The following CTTNBP2NL variants were observed in gnomAD, a reference collection of about 807,000 sequenced individuals.
The protein encoded by CTTNBP2NL is CTTNBP2 N-terminal like.
CTTNBP2NL carries 16 observed loss-of-function variants against 32.5 expected under a neutral mutation model. The ratio of observed to expected loss-of-function variants is 0.49; its 90% CI spans 0.33 to 0.75. The LOEUF is 0.75. CTTNBP2NL is among the 30% of genes least tolerant of loss of function. The pLI is 0.02. For synonymous variants in CTTNBP2NL, 298 were observed against 289.4 expected (o/e 1.03, Z -0.30); for missense variants, 645 against 756.0 (o/e 0.85, Z 1.72).
intron 3 of CTTNBP2NL, among the ~76,000 whole-genome samples, chr1:112,434,917 T>C (rs958584375): frequency 6.6e-6 from 1 of 151,348 alleles, no homozygotes; most frequent in Non-Finnish European, 1.5e-5. Flanking sequence ...CCGAGGCGGG[T>C]GGATCATCTG....
chr1:112,392,273 A>G (rs1025384318), upstream of CTTNBP2NL, among the ~76,000 whole-genome samples: 1 of 152,110 alleles, frequency 6.6e-6, no homozygotes, highest in Non-Finnish European at 1.5e-5. Flanking sequence ...GCAAAAGGGG[A>G]CTGTTAATAT....
chr1:112,428,388 G>C (rs1649465425), intron 3 of CTTNBP2NL, among the ~76,000 whole-genome samples: 2 of 152,060 alleles, frequency 1.3e-5, no homozygotes, highest in Admixed American at 6.5e-5. Context: ...AAATAAATTA[G>C]AGCTAATCAG....
chr1:112,460,455 G>C lies in CTTNBP2NL; in HGVS notation c.*3043G>C, dbSNP rs1308930314. The C allele has an allele frequency of 6.6e-6, 1 of 151,608 alleles. No homozygotes were observed. The highest frequency in any genetic ancestry group is 6.5e-5 in the Admixed American group (1 of 15,268). The allele number at this position is 151,608 out of a possible 1,614,324, so 9.4% of individuals were successfully genotyped here. On this transcript the variant is annotated 3_prime_UTR_variant, in exon 6 of 6. Coordinates refer to ENST00000271277, the MANE Select transcript of CTTNBP2NL (RefSeq NM_018704.3). ...AAGCCTTTACAATAATCCAGTCTGT[G>C]ATTTTTTAAACCTTTTGGTGGTTCT...
chr1:112,402,394 G>A (rs1648534239), intron 1 of CTTNBP2NL, among the ~76,000 whole-genome samples: 1 of 151,938 alleles, frequency 6.6e-6, no homozygotes. Context: ...CTCCAGGCTG[G>A]GCAACAACAG....
chr1:112,454,194 T>C lies in CTTNBP2NL; in HGVS notation c.331-255T>C, dbSNP rs1377364568. ...TCAACCCCTCTAGCTAATTAGTTGC[T>C]CTCTTCTCTCTGTTTGCATATCATT... is the stretch of plus-strand genomic sequence containing the variant. On this transcript the variant is annotated intron_variant, in intron 4 of 5. Coordinates refer to ENST00000271277, the MANE Select transcript of CTTNBP2NL (RefSeq NM_018704.3). 3.3e-5 allele frequency among the ~76,000 whole-genome samples: 5 copies of C among 152,208 alleles called. No individual in the cohort carries two copies. The East Asian group carries it at 7.7e-4, about 23-fold the overall frequency.
intron 4 of CTTNBP2NL, among the ~76,000 whole-genome samples, chr1:112,450,767 CTTTTT>C (rs34309573): frequency 7.5e-6 from 1 of 133,912 alleles, no homozygotes; most frequent in Non-Finnish European, 1.6e-5. Context: ...CCTATCTATT[CTTTTT>C]TTTTTTTTTT....
At position 112,459,900 on chromosome 1, in the gene CTTNBP2NL, G is replaced by A. The variant is rs1326479778; in HGVS notation, c.*2488G>A. 1 of 152,138 alleles carries A rather than the reference G, an allele frequency of 6.6e-6. No homozygotes were observed. Among genetic ancestry groups the A allele is most frequent in the East Asian group, 1.9e-4 (1 of 5,196 alleles). 9.4% of individuals were successfully genotyped at this position (152,138 alleles called of 1,614,324 possible). On this transcript the variant is annotated 3_prime_UTR_variant, in exon 6 of 6. Transcript: ENST00000271277. ...TCTTTTACAGTGTAATATGGGGGTG[G>A]GGATATGCGAAAGAAATGTGTATTT...
In CTTNBP2NL at chr1:112,457,267, C is replaced by T. The variant is rs778235258; in HGVS notation, c.1775C>T (p.Ser592Phe). The part of the protein sequence containing the change: ...IPPKKPGLTP[S>F]PSATTPLTKT... Reference sequence around the variant, plus strand: ...CCCAAGAAACCTGGCCTCACCCCTTCTCCATCTGCTACCACTCCATTGACC... The same window carrying T: ...CCCAAGAAACCTGGCCTCACCCCTTTTCCATCTGCTACCACTCCATTGACC... The change falls in exon 6 of 6, where the codon TCT becomes TTT. Residue 592 changes from serine (S) to phenylalanine (F), a missense_variant. Ser to Phe is a radical substitution (Grantham distance 155, BLOSUM62 -2). Coordinates refer to ENST00000271277, the MANE Select transcript of CTTNBP2NL (RefSeq NM_018704.3). 1.9e-5 allele frequency: 31 copies of T among 1,614,096 alleles called. No individual in the cohort carries two copies. The highest frequency in any genetic ancestry group is 2.5e-5 in the Non-Finnish European group (30 of 1,180,046).
At position 112,456,295 on chromosome 1, in the gene CTTNBP2NL, A is replaced by T. The variant is rs1159305203; in HGVS notation, c.803A>T (p.Glu268Val). 2 of 1,614,132 alleles carry T rather than the reference A, an allele frequency of 1.2e-6. No homozygotes were observed. The highest frequency in any genetic ancestry group is 4.5e-5 in the East Asian group (2 of 44,888). ...NRTKTLKEEM[E>V]SLKKIVKDLE... is the part of the protein sequence containing the mutation. ...ACCAAAACCCTGAAAGAAGAAATGG[A>T]AAGTTTAAAGAAGATAGTGAAGGAC... The change falls in exon 6 of 6, where the codon GAA becomes GTA. Residue 268 changes from glutamate to valine, a missense_variant. Glu to Val is a moderately radical substitution (Grantham distance 121). Transcript: ENST00000271277.
At chr1:112,450,404 C>T (rs1038705922) in intron 4 of CTTNBP2NL, among the ~76,000 whole-genome samples, 1 of 152,142 alleles carries the variant, frequency 6.6e-6, no homozygotes, top group African/African-American at 2.4e-5. Flanking sequence ...AATGTTTAAC[C>T]TCTGGTTAGA....
Position 112,460,641 on chromosome 1 carries a change from C to G in CTTNBP2NL, c.*3229C>G, listed in dbSNP as rs895712146. On this transcript the variant is annotated 3_prime_UTR_variant, in exon 6 of 6. Coordinates refer to ENST00000271277, the MANE Select transcript of CTTNBP2NL (RefSeq NM_018704.3). ...TAAGAAAGCATAATCTTGTTCTGCT[C>G]TCTCATTTTACAAATGATTAATGCA... 1.3e-5 allele frequency: 2 copies of G among 152,216 alleles called. No individual in the cohort carries two copies. The highest frequency in any genetic ancestry group is 2.9e-5 in the Non-Finnish European group (2 of 68,038). The allele number at this position is 152,216 out of a possible 1,614,324, so 9.4% of individuals were successfully genotyped here. A position where few individuals can be genotyped will look rare whatever the true frequency, so the allele number is the denominator to read the frequency against.
At chr1:112,433,676 T>A (rs546388102) in intron 3 of CTTNBP2NL, among the ~76,000 whole-genome samples, 73 of 152,242 alleles carry the variant, frequency 4.8e-4, no homozygotes, top group Non-Finnish European at 1.0e-3. Flanking sequence ...CATAAGCAAC[T>A]ATTCTTAATA....
chr1:112,456,911 C>G lies in CTTNBP2NL; in HGVS notation c.1419C>G (p.Asp473Glu). 6.2e-7 allele frequency: 1 copy of G among 1,614,142 alleles called. No individual in the cohort carries two copies. The highest frequency in any genetic ancestry group is 8.5e-7 in the Non-Finnish European group (1 of 1,180,030). The change falls in exon 6 of 6, where the codon GAC becomes GAG. Residue 473 changes from aspartate to glutamate, a missense_variant. Asp to Glu is a conservative substitution (Grantham distance 45). Coordinates refer to ENST00000271277, the MANE Select transcript of CTTNBP2NL (RefSeq NM_018704.3). The part of the protein sequence containing the change: ...RHKFQSQADQ[D>E]QQASGLQSPP... Reference sequence around the variant, plus strand: ...AATTTCAGTCCCAAGCAGATCAGGACCAACAAGCCAGTGGCCTACAGAGCC... The same window carrying G: ...AATTTCAGTCCCAAGCAGATCAGGAGCAACAAGCCAGTGGCCTACAGAGCC...
At chr1:112,400,747 G>A (rs902250087) in intron 1 of CTTNBP2NL, among the ~76,000 whole-genome samples, 4 of 151,912 alleles carry the variant, frequency 2.6e-5, no homozygotes, top group Non-Finnish European at 4.4e-5. Flanking sequence ...AGCCAAGATC[G>A]TGCCATTGCA....
intron 1 of CTTNBP2NL, among the ~76,000 whole-genome samples, chr1:112,411,961 G>C (rs1200601269): frequency 6.6e-6 from 1 of 152,186 alleles, no homozygotes; most frequent in Non-Finnish European, 1.5e-5. Flanking sequence ...AAGTGGAAAA[G>C]ATCTCAAAAG....
At chr1:112,391,956 A>T (rs1230969336), upstream of CTTNBP2NL, among the ~76,000 whole-genome samples, 1 of 151,288 alleles carries the variant, frequency 6.6e-6, no homozygotes, top group Non-Finnish European at 1.5e-5. Context: ...GGGCCGCTGC[A>T]CTCCAGTCTG....
At chr1:112,429,984 C>G (rs1409397519) in intron 3 of CTTNBP2NL, among the ~76,000 whole-genome samples, 2 of 151,948 alleles carry the variant, frequency 1.3e-5, no homozygotes, top group African/African-American at 4.8e-5. Flanking sequence ...GAGGGAAGTG[C>G]CAGATTCAGT....
At chr1:112,444,987 T>C (rs1043048804) in intron 3 of CTTNBP2NL, among the ~76,000 whole-genome samples, 2 of 152,136 alleles carry the variant, frequency 1.3e-5, no homozygotes, top group Admixed American at 1.3e-4. Flanking sequence ...ACTTCCAAGA[T>C]TAGGTTATAA....
intron 2 of CTTNBP2NL, among the ~76,000 whole-genome samples, chr1:112,415,625 C>T (rs956447534): frequency 2.0e-5 from 3 of 150,706 alleles, no homozygotes; most frequent in South Asian, 4.2e-4. Context: ...GGCGTGGTCT[C>T]GGCTCACTGC....
Sources: allele counts gnomAD v4.1 joint callset (sites outside exome capture counted in the v4.1 genomes callset), GRCh38; gene constraint gnomAD v4.1.1; transcripts MANE v1.5; gene names NCBI Gene and HGNC (gene_info 2026-07-23, HGNC 2026-07-21).